SNTG1: variants seen among roughly 807,000 people sequenced by gnomAD.
SNTG1 encodes the protein gamma-1-syntrophin.
SNTG1 carries 39 observed loss-of-function variants against 74.7 expected under a neutral mutation model. That is an observed-to-expected ratio of 0.52 (90% CI 0.40 to 0.68). The LOEUF (loss-of-function observed/expected upper bound fraction) is 0.68, where lower values mean the gene tolerates loss of function less well. SNTG1 is among the 30% of genes least tolerant of loss of function. The pLI is 0.00. For synonymous variants in SNTG1, 254 were observed against 217.1 expected, an observed-to-expected ratio of 1.17 and a Z score of -1.49; for missense variants, 685 against 609.5, an observed-to-expected ratio of 1.12 and a Z score of -1.30.
chr8:50,659,449 C>A (rs1192278214), intron 15 of SNTG1, among the ~76,000 whole-genome samples: 2 of 152,106 alleles, frequency 1.3e-5, no homozygotes. Flanking sequence ...TTAGCTATTT[C>A]TCTTCCCGTT....
chr8:50,385,684 TC>T (rs1462141609), intron 2 of SNTG1, among the ~76,000 whole-genome samples: 4 of 152,194 alleles, frequency 2.6e-5, no homozygotes, highest in African/African-American at 4.8e-5. Flanking sequence ...TATATTGCTG[TC>T]CTGGCCAGCT....
At chr8:50,221,737 G>A (rs1381577193) in intron 2 of SNTG1, among the ~76,000 whole-genome samples, 1 of 152,080 alleles carries the variant, frequency 6.6e-6, no homozygotes, top group Non-Finnish European at 1.5e-5. Flanking sequence ...GTTTTGATAT[G>A]TACAATGTAT....
At chr8:50,163,356 T>C (rs2082491024) in intron 1 of SNTG1, 1 of 152,108 alleles carries the variant, frequency 6.6e-6, no homozygotes, top group Non-Finnish European at 1.5e-5. Flanking sequence ...TTACTGTTGC[T>C]TCCGAGTATT....
At chr8:50,167,832 A>T (rs953080620) in intron 1 of SNTG1, among the ~76,000 whole-genome samples, 4 of 150,736 alleles carry the variant, frequency 2.7e-5, no homozygotes, top group African/African-American at 9.8e-5. Flanking sequence ...AAAAAAAGGT[A>T]AAGAAAAAAA....
chr8:50,031,041 CTT>C (rs1286531234), intron 1 of SNTG1, among the ~76,000 whole-genome samples: 2 of 151,772 alleles, frequency 1.3e-5, no homozygotes, highest in South Asian at 2.1e-4. Context: ...ACATGAAACT[CTT>C]ATAGAATTTT....
At chr8:50,404,613 T>TA (rs762106708) in intron 4 of SNTG1, among the ~76,000 whole-genome samples, 2 of 151,682 alleles carry the variant, frequency 1.3e-5, no homozygotes, top group Non-Finnish European at 2.9e-5. Context: ...CCCACTCTTA[T>TA]ATGGTCAGTT....
chr8:50,200,604 C>T (rs1044198252), intron 2 of SNTG1, among the ~76,000 whole-genome samples: 2 of 152,116 alleles, frequency 1.3e-5, no homozygotes, highest in African/African-American at 2.4e-5. Context: ...ACCAGGGATG[C>T]CCTTCCTCAA....
At chr8:50,501,439 T>G (rs1328373900) in intron 8 of SNTG1, among the ~76,000 whole-genome samples, 15 of 130,654 alleles carry the variant, frequency 1.1e-4, no homozygotes, top group African/African-American at 2.1e-4. Flanking sequence ...TTTTTTTTTT[T>G]TTTTTTTTTT....
chr8:50,273,940 A>ACTT (rs928668443), intron 2 of SNTG1, among the ~76,000 whole-genome samples: 10 of 152,220 alleles, frequency 6.6e-5, no homozygotes, highest in African/African-American at 2.2e-4. Context: ...TTTCATCAAA[A>ACTT]CTTTACAGTT....
intron 1 of SNTG1, among the ~76,000 whole-genome samples, chr8:50,140,037 G>A (rs2081604494): frequency 6.6e-6 from 1 of 152,172 alleles, no homozygotes. Context: ...TAAAATAAGT[G>A]CTGGAGTAAA....
chr8:50,327,568 T>C lies in SNTG1; in HGVS notation c.-27-66644T>C, dbSNP rs114040381. ...GTATCTTCATATTTAAGTGGGTCTA[T>C]TATAAAAAACATATAGTTGATTTTT... On this transcript the variant is annotated intron_variant, in intron 2 of 18. Coordinates refer to ENST00000642720, the MANE Select transcript of SNTG1 (RefSeq NM_018967.5). Among the ~76,000 whole-genome samples, 916 of 152,246 alleles carry C rather than the reference T, an allele frequency of 6.0e-3. 7 individuals are homozygous for C. Among genetic ancestry groups the C allele is most frequent in the African/African-American group, 0.021 (859 of 41,588 alleles).
rs945728906 is a variant in SNTG1, at chr8:50,071,510, C to CT, written c.-102-101044dup. 8.6e-5 allele frequency among the ~76,000 whole-genome samples: 13 copies of CT among 151,806 alleles called. No individual in the cohort carries two copies. In the South Asian group the frequency reaches 1.0e-3, roughly 12 times the overall value. On this transcript the variant is annotated intron_variant, in intron 1 of 18. Transcript: ENST00000642720. ...TTATTTATTTTTGAGTGGAATTTTG[C>CT]TTTTTTTGCCCAGGCTGGAGTGCAA...
chr8:49,946,627 G>A (rs985867099), intron 1 of SNTG1, among the ~76,000 whole-genome samples: 4 of 152,026 alleles, frequency 2.6e-5, no homozygotes, highest in Non-Finnish European at 5.9e-5. Flanking sequence ...CTTTGGAAAA[G>A]CAGGGAAGTG....
rs567641176 is a variant in SNTG1 at position 50,538,126 on chromosome 8, C to T, written c.680+1318C>T. ...TATAATATGTGTAGGTAATATATCA[C>T]AGTCTACTGGTAACGTTTTACCACT... is the stretch of plus-strand genomic sequence containing the variant. On this transcript the variant is annotated intron_variant, in intron 11 of 18. Transcript: ENST00000642720. Among the ~76,000 whole-genome samples, 24 of 152,204 alleles carry T rather than the reference C, an allele frequency of 1.6e-4. No homozygotes were observed. In the East Asian group the frequency reaches 2.1e-3, roughly 13 times the overall value.
chr8:49,977,598 G>A (rs1439199906), intron 1 of SNTG1, among the ~76,000 whole-genome samples: 3 of 152,194 alleles, frequency 2.0e-5, no homozygotes, highest in African/African-American at 7.2e-5. Flanking sequence ...AAGAGGCTAG[G>A]CATGTGGCCT....
chr8:50,035,624 A>G (rs780113371), intron 1 of SNTG1, among the ~76,000 whole-genome samples: 4 of 152,204 alleles, frequency 2.6e-5, no homozygotes, highest in African/African-American at 7.2e-5. Context: ...GGTCAGTTCA[A>G]TCCAACTTTC....
intron 13 of SNTG1, among the ~76,000 whole-genome samples, chr8:50,631,860 A>G (rs2095000417): frequency 6.6e-6 from 1 of 152,204 alleles, no homozygotes; most frequent in Non-Finnish European, 1.5e-5. Flanking sequence ...CACTGCAGAA[A>G]CTTTCTATAC....
intron 17 of SNTG1, among the ~76,000 whole-genome samples, chr8:50,734,331 G>A (rs1235480840): frequency 6.6e-6 from 1 of 151,578 alleles, no homozygotes; most frequent in Non-Finnish European, 1.5e-5. Context: ...GATAGTGACA[G>A]TATCTTTTTC....
intron 2 of SNTG1, chr8:50,381,180 T>C (rs2092472854): frequency 6.6e-6 from 1 of 152,204 alleles, no homozygotes; most frequent in Non-Finnish European, 1.5e-5. Context: ...TAATAAAGTT[T>C]ACTGATGAAA....
Sources: gnomAD v4.1 joint callset for allele counts (sites outside exome capture counted in the v4.1 genomes callset) on GRCh38, gnomAD v4.1.1 for gene constraint, MANE v1.5 for transcripts, NCBI Gene and HGNC (gene_info 2026-07-23, HGNC 2026-07-21) for gene names.